The following GRM7 variants were observed in gnomAD, a reference collection of about 807,000 sequenced individuals.
GRM7 encodes the protein glutamate metabotropic receptor 7.
In GRM7, 35 loss-of-function variants were observed where a neutral mutation model predicts 84.5. The ratio of observed to expected loss-of-function variants is 0.41; its 90% CI spans 0.32 to 0.55. The LOEUF is 0.55. Ranked by LOEUF, GRM7 falls within the 20% of genes least tolerant of loss-of-function variation. The pLI, the probability that GRM7 is intolerant of heterozygous loss-of-function variation, is 0.19. For synonymous variants in GRM7, 487 were observed against 455.1 expected (o/e 1.07, Z -0.89); for missense variants, 1,003 against 1,194.6 (o/e 0.84, Z 2.36).
Position 7,740,465 on chromosome 3 carries a change from C to G in GRM7, c.*59C>G. 1.0e-6 allele frequency: 1 copy of G among 999,466 alleles called. No homozygotes were observed. The allele number at this position is 999,466 out of a possible 1,614,324, so 61.9% of individuals were successfully genotyped here. On this transcript the variant is annotated 3_prime_UTR_variant, in exon 10 of 10. Transcript: ENST00000357716. ...GACCCTCAGTTATTTTGTCACCCAA[C>G]CTGGCATAGGACTCTTTGGTCCTAC...
intron 8 of GRM7, among the ~76,000 whole-genome samples, chr3:7,644,034 A>ACACACCCC (rs59647615): frequency 6.1e-5 from 9 of 147,542 alleles, no homozygotes; most frequent in African/African-American, 2.3e-4. Context: ...ACACACACAC[A>ACACACCCC]CCATATATAA....
intron 2 of GRM7, among the ~76,000 whole-genome samples, chr3:7,167,218 C>T (rs1436081440): frequency 6.6e-6 from 1 of 152,192 alleles, no homozygotes; most frequent in African/African-American, 2.4e-5. Flanking sequence ...ATAAGAAGCA[C>T]CATCTCTAAT....
intron 2 of GRM7, among the ~76,000 whole-genome samples, chr3:7,267,662 C>T (rs1038186684): frequency 2.0e-5 from 3 of 152,096 alleles, no homozygotes; most frequent in Non-Finnish European, 4.4e-5. Context: ...GATAAAGTCT[C>T]GAATCCATCT....
At chr3:7,528,195 T>G (rs1700884997) in intron 7 of GRM7, among the ~76,000 whole-genome samples, 2 of 152,102 alleles carry the variant, frequency 1.3e-5, no homozygotes, top group Non-Finnish European at 2.9e-5. Flanking sequence ...CTAATTCAAT[T>G]ATAGAACTCA....
At chr3:7,621,783 C>T (rs1697369988) in intron 8 of GRM7, among the ~76,000 whole-genome samples, 1 of 151,986 alleles carries the variant, frequency 6.6e-6, no homozygotes, top group South Asian at 2.1e-4. Flanking sequence ...CACTGAGATC[C>T]TGAAAATAGG....
chr3:7,029,706 G>A (rs1051856288), intron 1 of GRM7, among the ~76,000 whole-genome samples: 10 of 152,176 alleles, frequency 6.6e-5, no homozygotes, highest in African/African-American at 2.4e-4. Context: ...CTGGAGGTAG[G>A]GAGAGAGGAA....
intron 9 of GRM7, among the ~76,000 whole-genome samples, chr3:7,705,778 G>A (rs1313493269): frequency 6.6e-6 from 1 of 152,164 alleles, no homozygotes; most frequent in Non-Finnish European, 1.5e-5. Context: ...ACATCAAGTG[G>A]CACCAATATT....
chr3:7,530,277 C>G (rs973274266), intron 7 of GRM7, among the ~76,000 whole-genome samples: 5 of 152,000 alleles, frequency 3.3e-5, no homozygotes, highest in African/African-American at 1.2e-4. Flanking sequence ...TGAACTTATC[C>G]TTTTTATGGC....
At chr3:7,064,298 T>C (rs1386416623) in intron 1 of GRM7, among the ~76,000 whole-genome samples, 1 of 150,468 alleles carries the variant, frequency 6.6e-6, no homozygotes, top group Non-Finnish European at 1.5e-5. Context: ...TGTGTATGCA[T>C]AGCTTAGCCC....
At chr3:7,643,966 G>A (rs1453711975) in intron 8 of GRM7, among the ~76,000 whole-genome samples, 23 of 151,736 alleles carry the variant, frequency 1.5e-4, no homozygotes, top group Admixed American at 1.5e-3. Context: ...TGGTCTTGGA[G>A]AGAAGATCAT....
intron 1 of GRM7, among the ~76,000 whole-genome samples, chr3:7,138,534 A>T (rs1294677997): frequency 6.6e-6 from 1 of 151,904 alleles, no homozygotes; most frequent in Non-Finnish European, 1.5e-5. Flanking sequence ...GAAGAGTGAG[A>T]AGTTAAAATA....
intron 7 of GRM7, among the ~76,000 whole-genome samples, chr3:7,480,547 A>G (rs116166564): frequency 0.012 from 1,884 of 152,362 alleles, 39 homozygotes; most frequent in African/African-American, 0.043. Context: ...GTGTTTAAAC[A>G]TTAAATAAAA....
chr3:7,590,224 A>G (rs1016234623), intron 8 of GRM7, among the ~76,000 whole-genome samples: 3 of 152,120 alleles, frequency 2.0e-5, no homozygotes, highest in African/African-American at 4.8e-5. Context: ...GCAGCTTCTC[A>G]TTGTTACTAT....
intron 5 of GRM7, among the ~76,000 whole-genome samples, chr3:7,449,602 G>T (rs1200803472): frequency 6.6e-6 from 1 of 150,448 alleles, no homozygotes; most frequent in African/African-American, 2.5e-5. Context: ...ACTCTAGTTT[G>T]GTGCATGGAT....
chr3:7,553,128 C>T (rs1007822147), intron 7 of GRM7, among the ~76,000 whole-genome samples: 1 of 152,216 alleles, frequency 6.6e-6, no homozygotes, highest in African/African-American at 2.4e-5. Context: ...TAAGTCATCT[C>T]TCTCAAGTGC....
At chr3:7,461,319 C>T (rs1698237612) in intron 6 of GRM7, among the ~76,000 whole-genome samples, 1 of 152,010 alleles carries the variant, frequency 6.6e-6, no homozygotes, top group Non-Finnish European at 1.5e-5. Flanking sequence ...GGGGAAAATA[C>T]TAGAATAAAA....
chr3:7,011,474 G>T (rs1402491320), intron 1 of GRM7, among the ~76,000 whole-genome samples: 2 of 152,126 alleles, frequency 1.3e-5, no homozygotes, highest in Admixed American at 6.6e-5. Flanking sequence ...GCCTTTGGTG[G>T]TATCTTACCA....
chr3:7,060,721 T>C (rs1465711009), intron 1 of GRM7, among the ~76,000 whole-genome samples: 1 of 141,120 alleles, frequency 7.1e-6, no homozygotes, highest in Non-Finnish European at 1.5e-5. Context: ...AATAAATGCA[T>C]GTTTCTTTAA....
At chr3:7,649,036 G>A (rs1049359373) in intron 8 of GRM7, among the ~76,000 whole-genome samples, 15 of 152,012 alleles carry the variant, frequency 9.9e-5, no homozygotes, top group South Asian at 2.1e-4. Flanking sequence ...AGTTCATGCC[G>A]CAGGGAAAAT....
Sources: allele counts gnomAD v4.1 joint callset (sites outside exome capture counted in the v4.1 genomes callset), GRCh38; gene constraint gnomAD v4.1.1; transcripts MANE v1.5; gene names NCBI Gene and HGNC (gene_info 2026-07-23, HGNC 2026-07-21).